KATNIP: variants seen among roughly 807,000 people sequenced by gnomAD.
KATNIP encodes katanin-interacting protein.
A neutral mutation model predicts 174.0 loss-of-function variants in KATNIP; 126 were observed. The ratio of observed to expected loss-of-function variants is 0.72; its 90% CI spans 0.63 to 0.84. KATNIP has a LOEUF of 0.84. KATNIP is among the 40% of genes least tolerant of loss of function. KATNIP has a pLI of 0.00. For missense variants in KATNIP, 1,958 were observed against 2,109.7 expected (o/e 0.93, Z 1.41); for synonymous variants, 810 against 835.7 (o/e 0.97, Z 0.53).
chr16:27,774,800 G>A (rs1389367891), intron 23 of KATNIP, 145 bp from the exon 24 acceptor site: 35 of 897,564 alleles, frequency 3.9e-5, no homozygotes, highest in Non-Finnish European at 4.8e-5. Context: ...CCCAGGACAC[G>A]TCCAATTCAG....
At chr16:27,614,850 T>TG (rs1260300003) in intron 2 of KATNIP, among the ~76,000 whole-genome samples, 2 of 152,136 alleles carry the variant, frequency 1.3e-5, no homozygotes, top group Admixed American at 1.3e-4. Flanking sequence ...GGCAACAATC[T>TG]GGGGCTCTAC....
intron 18 of KATNIP, among the ~76,000 whole-genome samples, chr16:27,757,898 A>G (rs2081799880): frequency 6.6e-6 from 1 of 150,612 alleles, no homozygotes; most frequent in Non-Finnish European, 1.5e-5. Flanking sequence ...TAATTTGCAG[A>G]TGACACTAAT....
At chr16:27,632,220 T>C (rs909849009) in intron 5 of KATNIP, among the ~76,000 whole-genome samples, 7 of 152,158 alleles carry the variant, frequency 4.6e-5, no homozygotes, top group African/African-American at 1.7e-4. Flanking sequence ...TTCACACACT[T>C]GGAAAGGAAA....
chr16:27,704,274 G>T (rs760725701), intron 12 of KATNIP, among the ~76,000 whole-genome samples: 3 of 152,170 alleles, frequency 2.0e-5, no homozygotes, highest in Non-Finnish European at 2.9e-5. Context: ...GTCCAACATC[G>T]CTGGCAATCA....
At chr16:27,588,763 A>C (rs2090998661) in intron 2 of KATNIP, among the ~76,000 whole-genome samples, 1 of 152,180 alleles carries the variant, frequency 6.6e-6, no homozygotes, top group Admixed American at 6.6e-5. Context: ...TTGCACGTTA[A>C]ACAAAAATAG....
intron 5 of KATNIP, among the ~76,000 whole-genome samples, chr16:27,635,313 A>T (rs560415690): frequency 6.6e-6 from 1 of 152,282 alleles, no homozygotes; most frequent in African/African-American, 2.4e-5. Context: ...ACAGCTTTAG[A>T]AAGGGAGTCT....
rs77777282 is a variant in KATNIP at position 27,582,006 on chromosome 16, G to C, written c.63+8050G>C. Reference sequence around the variant, plus strand: ...CTACTCATTGATTGGTGGGCATTTTGGTTGGTTCCACATTGCAATTGTGAA... The same window carrying C: ...CTACTCATTGATTGGTGGGCATTTTCGTTGGTTCCACATTGCAATTGTGAA... On this transcript the variant is annotated intron_variant, in intron 2 of 27. Coordinates refer to ENST00000261588, the MANE Select transcript of KATNIP (RefSeq NM_015202.5). Among the ~76,000 whole-genome samples, 1,018 of 152,196 alleles carry C rather than the reference G, an allele frequency of 6.7e-3. 15 individuals carry two copies. Among genetic ancestry groups the C allele is most frequent in the African/African-American group, 0.024 (976 of 41,512 alleles).
At chr16:27,657,794 C>T (rs1156450146) in intron 6 of KATNIP, among the ~76,000 whole-genome samples, 2 of 152,146 alleles carry the variant, frequency 1.3e-5, no homozygotes, top group Non-Finnish European at 2.9e-5. Flanking sequence ...CCTGTAATCC[C>T]AGCTACTTGG....
chr16:27,648,849 G>A (rs374152377), intron 6 of KATNIP, 114 bp downstream of exon 6: 7 of 1,198,400 alleles, frequency 5.8e-6, no homozygotes, highest in East Asian at 2.6e-5. Flanking sequence ...TTCACTCGCC[G>A]CTGTGTTCCT....
rs1473170573 is a variant in KATNIP, at chr16:27,713,844, ATATATATATATATC to A, written c.1605+4928_1605+4941del. Among the ~76,000 whole-genome samples, 444 of 69,232 alleles carry A rather than the reference ATATATATATATATC, an allele frequency of 6.4e-3. 20 individuals carry two copies. Among genetic ancestry groups the A allele is most frequent in the African/African-American group, 0.018 (294 of 16,498 alleles). The allele number at this position is 69,232 out of a possible 152,430, so 45.4% of individuals were successfully genotyped here. A position where few individuals can be genotyped will look rare whatever the true frequency, so the allele number is the denominator to read the frequency against. The stretch of plus-strand genomic sequence containing the variant: ...TATATATATATATATATATATATAT[ATATATATATATATC>A]TATCTCAGATTGTGCCCTTCCCCTA... On this transcript the variant is annotated intron_variant, in intron 13 of 27. Transcript: ENST00000261588.
chr16:27,624,967 T>C (rs1051063985), intron 3 of KATNIP, among the ~76,000 whole-genome samples: 2 of 152,116 alleles, frequency 1.3e-5, no homozygotes, highest in Non-Finnish European at 2.9e-5. Context: ...CCAGTGATAG[T>C]GTGCCATTGG....
intron 8 of KATNIP, among the ~76,000 whole-genome samples, chr16:27,689,047 AG>A (rs1273848455): frequency 6.6e-6 from 1 of 152,230 alleles, no homozygotes. Context: ...GGTTCCCTGA[AG>A]GAAACCATAG....
intron 1 of KATNIP, among the ~76,000 whole-genome samples, chr16:27,572,546 C>G (rs1435991667): frequency 2.6e-5 from 4 of 152,224 alleles, no homozygotes; most frequent in Middle Eastern, 6.8e-3. Flanking sequence ...CCCTGTGTCT[C>G]CCTCTTCTCT....
chr16:27,712,687 C>G (rs1423525290), intron 13 of KATNIP, among the ~76,000 whole-genome samples: 1 of 152,206 alleles, frequency 6.6e-6, no homozygotes, highest in African/African-American at 2.4e-5. Context: ...AGCACAAGGC[C>G]TCAAGATGAC....
chr16:27,726,671 A>G (rs1454023830), intron 14 of KATNIP, among the ~76,000 whole-genome samples: 1 of 152,188 alleles, frequency 6.6e-6, no homozygotes, highest in Non-Finnish European at 1.5e-5. Flanking sequence ...ATAACACAGG[A>G]CAGTGAACGA....
chr16:27,713,026 T>A (rs2079652969), intron 13 of KATNIP, among the ~76,000 whole-genome samples: 1 of 152,124 alleles, frequency 6.6e-6, no homozygotes, highest in South Asian at 2.1e-4. Context: ...CAGGCTAATC[T>A]CGATCTCCTG....
intron 7 of KATNIP, among the ~76,000 whole-genome samples, chr16:27,678,723 G>A (rs1215601040): frequency 1.3e-5 from 2 of 152,084 alleles, no homozygotes; most frequent in Non-Finnish European, 2.9e-5. Context: ...AGGACTAAGG[G>A]GTGTGGTTAT....
chr16:27,670,566 C>T (rs1425143588), intron 6 of KATNIP, among the ~76,000 whole-genome samples: 1 of 152,192 alleles, frequency 6.6e-6, no homozygotes, highest in Non-Finnish European at 1.5e-5. Flanking sequence ...TGGCTGGATA[C>T]TTTATTCTCG....
chr16:27,751,984 A>C, intron 17 of KATNIP, 60 bp downstream of exon 17: 1 of 1,360,210 alleles, frequency 7.4e-7, no homozygotes, highest in Non-Finnish European at 1.0e-6. Flanking sequence ...CCCCTAACTC[A>C]GAGTAGAGCA....
Sources: allele counts gnomAD v4.1 joint callset (sites outside exome capture counted in the v4.1 genomes callset), GRCh38; gene constraint gnomAD v4.1.1; transcripts MANE v1.5; gene names NCBI Gene and HGNC (gene_info 2026-07-23, HGNC 2026-07-21).